Variants in NPR3 observed in about 807,000 individuals in gnomAD.
NPR3 encodes the protein natriuretic peptide receptor 3.
Under a neutral mutation model 54.5 loss-of-function variants are expected in NPR3, and 34 were observed. That is an observed-to-expected ratio of 0.62 (90% CI 0.47 to 0.83). NPR3 has a LOEUF of 0.83. Among genes scored for constraint, NPR3 ranks in the 40% least tolerant of loss-of-function variants. The pLI, the probability that NPR3 is intolerant of heterozygous loss-of-function variation, is 0.00. For missense variants in NPR3, 674 were observed against 720.8 expected (o/e 0.94, Z 0.74); for synonymous variants, 289 against 297.1 (o/e 0.97, Z 0.28).
At position 32,713,231 on chromosome 5, in the gene NPR3, C is replaced by T. The variant is rs555863401; in HGVS notation, c.769+686C>T. ...GTTCTGCAACGCAGTTTCTAATGCG[C>T]CCAGAGCTAAGCTTTGCGGGAGTGC... On this transcript the variant is annotated intron_variant, in intron 1 of 7. Transcript: ENST00000265074. 1.9e-5 allele frequency: 19 copies of T among 985,460 alleles called. No individual in the cohort carries two copies. The South Asian group carries it at 8.5e-4, about 44-fold the overall frequency. 61.0% of individuals were successfully genotyped at this position (985,460 alleles called of 1,614,324 possible).
At chr5:32,761,199 C>T (rs1304325759) in intron 3 of NPR3, among the ~76,000 whole-genome samples, 1 of 151,200 alleles carries the variant, frequency 6.6e-6, no homozygotes, top group Non-Finnish European at 1.5e-5. Flanking sequence ...TAAGAATCAA[C>T]TTGTTAGTTT....
intron 1 of NPR3, chr5:32,716,362 A>G (rs1738545420): frequency 2.3e-6 from 1 of 437,324 alleles, no homozygotes; most frequent in South Asian, 1.6e-5. Flanking sequence ...TCTTAATAAC[A>G]TGCTACTTTT....
chr5:32,773,520 A>G (rs2112045774), intron 3 of NPR3, among the ~76,000 whole-genome samples: 1 of 152,248 alleles, frequency 6.6e-6, no homozygotes, highest in East Asian at 1.9e-4. Flanking sequence ...CAGCCGAGCA[A>G]AACATTTGCA....
intron 3 of NPR3, among the ~76,000 whole-genome samples, chr5:32,760,667 GTT>G (rs568168299): frequency 2.8e-5 from 4 of 142,698 alleles, no homozygotes; most frequent in African/African-American, 7.6e-5. Flanking sequence ...ATGAGCAGTG[GTT>G]TTTTTTTTTT....
intron 3 of NPR3, among the ~76,000 whole-genome samples, chr5:32,753,624 CT>C (rs70961660): frequency 0.028 from 2,830 of 102,716 alleles, 78 homozygotes; most frequent in African/African-American, 0.077. Context: ...TCTCAGCATC[CT>C]TTTTTTTTTT....
At chr5:32,772,325 C>T (rs193053408) in intron 3 of NPR3, among the ~76,000 whole-genome samples, 1 of 152,314 alleles carries the variant, frequency 6.6e-6, no homozygotes, top group East Asian at 1.9e-4. Flanking sequence ...ACTAAACCTC[C>T]ACTTAACAGA....
intron 2 of NPR3, among the ~76,000 whole-genome samples, chr5:32,733,324 TA>T (rs745373076): frequency 6.6e-6 from 1 of 152,234 alleles, no homozygotes; most frequent in Non-Finnish European, 1.5e-5. Context: ...TATTATGGGA[TA>T]ATTCAAGTGA....
intron 3 of NPR3, among the ~76,000 whole-genome samples, chr5:32,773,626 C>CT (rs1443023957): frequency 3.3e-5 from 5 of 152,264 alleles, no homozygotes; most frequent in African/African-American, 4.8e-5. Flanking sequence ...CTCAGTTCGA[C>CT]TTTTTTTCAC....
chr5:32,762,488 A>C (rs189916164), intron 3 of NPR3, among the ~76,000 whole-genome samples: 1 of 124,030 alleles, frequency 8.1e-6, no homozygotes, highest in African/African-American at 2.6e-5. Context: ...TCACCATTCT[A>C]ACTGGCGTGA....
chr5:32,743,987 A>ATCT (rs1425701544), intron 3 of NPR3, among the ~76,000 whole-genome samples: 1,964 of 113,732 alleles, frequency 0.017, 156 homozygotes, highest in African/African-American at 0.061. Flanking sequence ...ATTCTGATGC[A>ATCT]TTTTTTTTTT....
chr5:32,775,831 C>T (rs1742016854), intron 4 of NPR3, among the ~76,000 whole-genome samples: 1 of 152,172 alleles, frequency 6.6e-6, no homozygotes, highest in South Asian at 2.1e-4. Context: ...CTCCTGACTG[C>T]AGGTGATCCA....
chr5:32,774,083 A>C (rs903782047), intron 3 of NPR3, among the ~76,000 whole-genome samples: 1 of 152,182 alleles, frequency 6.6e-6, no homozygotes, highest in Non-Finnish European at 1.5e-5. Flanking sequence ...GGCAGGGAGT[A>C]GGGATAGGGA....
At chr5:32,730,353 A>G (rs565101769) in intron 2 of NPR3, among the ~76,000 whole-genome samples, 23 of 152,270 alleles carry the variant, frequency 1.5e-4, no homozygotes, top group African/African-American at 5.1e-4. Flanking sequence ...ACCTACAAAA[A>G]CCTCGCAGCT....
At chr5:32,705,224 T>C (rs1040560136), upstream of NPR3, among the ~76,000 whole-genome samples, 5 of 152,160 alleles carry the variant, frequency 3.3e-5, no homozygotes, top group African/African-American at 7.2e-5. Context: ...AGTTTACAAA[T>C]AGATAACTCA....
At chr5:32,707,888 CAT>C (rs539004202), upstream of NPR3, among the ~76,000 whole-genome samples, 456 of 150,996 alleles carry the variant, frequency 3.0e-3, 1 homozygote, top group Non-Finnish European at 5.2e-3. Context: ...TGAGAAATAA[CAT>C]ATAGACAGTA....
intron 4 of NPR3, among the ~76,000 whole-genome samples, 199 bp downstream of exon 4, chr5:32,775,042 AGAG>A (rs771164954): frequency 6.6e-6 from 1 of 152,216 alleles, no homozygotes; most frequent in Non-Finnish European, 1.5e-5. Flanking sequence ...CCCCACTGAA[AGAG>A]GAAAGGCCTT....
At position 32,789,188 on chromosome 5, in the gene NPR3, T is replaced by A. The variant is rs1742778159; in HGVS notation, c.*2843T>A. ...TCAGTATTTTCTCATCCAGTCAAAC[T>A]TCAGCTGACATTGATACAGGTCAAA... On this transcript the variant is annotated 3_prime_UTR_variant, in exon 8 of 8. Coordinates refer to ENST00000265074, the MANE Select transcript of NPR3 (RefSeq NM_001204375.2). 4.3e-6 allele frequency: 1 copy of A among 231,776 alleles called. No homozygotes were observed. The highest frequency in any genetic ancestry group is 5.2e-5 in the Admixed American group (1 of 19,344). The allele number at this position is 231,776 out of a possible 1,614,324, so 14.4% of individuals were successfully genotyped here.
intron 6 of NPR3, among the ~76,000 whole-genome samples, chr5:32,784,293 A>G (rs1347913497): frequency 1.3e-5 from 2 of 152,092 alleles, no homozygotes; most frequent in Non-Finnish European, 2.9e-5. Flanking sequence ...GGTTCAAGTG[A>G]TTCTCTTGCC....
intron 2 of NPR3, among the ~76,000 whole-genome samples, chr5:32,725,435 G>T (rs1170610598): frequency 1.3e-5 from 2 of 152,172 alleles, no homozygotes; most frequent in Non-Finnish European, 2.9e-5. Context: ...GGAGCAAAAA[G>T]ATATCATGTA....
Sources: gnomAD v4.1 joint callset for allele counts (sites outside exome capture counted in the v4.1 genomes callset) on GRCh38, gnomAD v4.1.1 for gene constraint, MANE v1.5 for transcripts, NCBI Gene and HGNC (gene_info 2026-07-23, HGNC 2026-07-21) for gene names.